The following IGSF11 variants were observed in gnomAD, a reference collection of about 807,000 sequenced individuals.
The protein encoded by IGSF11 is immunoglobulin superfamily member 11.
A neutral mutation model predicts 41.0 loss-of-function variants in IGSF11; 22 were observed. That is an observed-to-expected ratio of 0.54 (90% CI 0.38 to 0.77). The LOEUF is 0.77. Ranked by LOEUF, IGSF11 falls within the 30% of genes least tolerant of loss-of-function variation. The probability of loss-of-function intolerance (pLI) is 0.00; values close to 1 mark genes in which losing one functional copy is unlikely to be tolerated. For missense variants in IGSF11, 444 were observed against 530.8 expected (o/e 0.84, Z 1.61); for synonymous variants, 219 against 201.3 (o/e 1.09, Z -0.74).
chr3:118,936,683 G>C (rs967242881), intron 1 of IGSF11, among the ~76,000 whole-genome samples: 4 of 152,112 alleles, frequency 2.6e-5, no homozygotes, highest in African/African-American at 7.2e-5. Context: ...AGGATATAAA[G>C]TGCATGGTCA....
At chr3:119,017,146 A>G (rs1938795488) in intron 1 of IGSF11, among the ~76,000 whole-genome samples, 2 of 152,138 alleles carry the variant, frequency 1.3e-5, no homozygotes, top group South Asian at 4.1e-4. Context: ...AGAAAAAAGA[A>G]GAGTAAGCGA....
At chr3:119,143,200 T>C (rs569979944) in intron 1 of IGSF11, among the ~76,000 whole-genome samples, 1 of 152,290 alleles carries the variant, frequency 6.6e-6, no homozygotes, top group South Asian at 2.1e-4. Flanking sequence ...GCCAGCATTG[T>C]ATTTTTGGTT....
intron 1 of IGSF11, among the ~76,000 whole-genome samples, chr3:118,993,054 T>C (rs1576579174): frequency 6.6e-6 from 1 of 152,152 alleles, no homozygotes; most frequent in Non-Finnish European, 1.5e-5. Flanking sequence ...AGCAAGACCC[T>C]GTCTCTACAA....
At chr3:118,946,278 A>T (rs1004333223) in intron 1 of IGSF11, among the ~76,000 whole-genome samples, 4 of 84,458 alleles carry the variant, frequency 4.7e-5, no homozygotes, top group East Asian at 3.1e-4. Context: ...ATGTTTTTTT[A>T]AAAAAATCAC....
At chr3:119,061,687 A>T (rs760033260) in intron 1 of IGSF11, among the ~76,000 whole-genome samples, 4 of 152,152 alleles carry the variant, frequency 2.6e-5, no homozygotes, top group Admixed American at 2.6e-4. Flanking sequence ...TTCACTCAGG[A>T]TATACTTTCA....
At chr3:119,144,286 T>C (rs886781116) in intron 1 of IGSF11, among the ~76,000 whole-genome samples, 3 of 152,088 alleles carry the variant, frequency 2.0e-5, no homozygotes, top group Non-Finnish European at 4.4e-5. Context: ...AATATAGGAC[T>C]TGAACAACAC....
At position 118,975,363 on chromosome 3, in the gene IGSF11, T is replaced by TAAAAAAAAAA. The variant is rs376307753; in HGVS notation, c.53-45098_53-45089dup. Among the ~76,000 whole-genome samples the TAAAAAAAAAA allele has an allele frequency of 9.0e-4, 127 of 140,702 alleles. 1 individual carries two copies. Among genetic ancestry groups the TAAAAAAAAAA allele is most frequent in the African/African-American group, 3.2e-3 (122 of 37,916 alleles). The allele number at this position is 140,702 out of a possible 152,430, so 92.3% of individuals were successfully genotyped here. The stretch of plus-strand genomic sequence containing the variant: ...AATAAATTTGTAGCCCTGCTGGATT[T>TAAAAAAAAAA]AAAAAAAAAAAAAAAAGATGTGCTC... On this transcript the variant is annotated intron_variant, in intron 1 of 6. Coordinates refer to ENST00000393775, the MANE Select transcript of IGSF11 (RefSeq NM_001015887.3).
At chr3:119,110,750 A>C (rs1576812968) in intron 1 of IGSF11, among the ~76,000 whole-genome samples, 1 of 151,980 alleles carries the variant, frequency 6.6e-6, no homozygotes, top group South Asian at 2.1e-4. Flanking sequence ...TTCCATGTTT[A>C]GTGCTTCCTT....
upstream of IGSF11, among the ~76,000 whole-genome samples, chr3:119,107,813 C>T (rs1172992442): frequency 6.6e-6 from 1 of 151,194 alleles, no homozygotes; most frequent in African/African-American, 2.4e-5. Context: ...TATGGCTAGC[C>T]AGTTTTCCCA....
chr3:119,079,245 G>A (rs1406072088), intron 1 of IGSF11, among the ~76,000 whole-genome samples: 1 of 152,016 alleles, frequency 6.6e-6, no homozygotes, highest in Non-Finnish European at 1.5e-5. Context: ...TGTAATCCCA[G>A]CTACTTGGGA....
At chr3:119,101,801 G>C (rs560821092) in intron 1 of IGSF11, among the ~76,000 whole-genome samples, 1 of 151,996 alleles carries the variant, frequency 6.6e-6, no homozygotes, top group Non-Finnish European at 1.5e-5. Flanking sequence ...TTCACTGGAC[G>C]GTATCTATTG....
rs780702241 is a variant in IGSF11, at chr3:118,902,580, T to C, written c.1236A>G (p.Glu412=). 6.8e-6 allele frequency: 11 copies of C among 1,614,004 alleles called. No homozygotes were observed. In the Admixed American group the frequency reaches 1.8e-4, roughly 27 times the overall value. The change falls in exon 7 of 7, where the codon GAA becomes GAG. Residue 412 remains glutamate (E), a synonymous_variant. Coordinates refer to ENST00000393775, the MANE Select transcript of IGSF11 (RefSeq NM_001015887.3). ...CCATGACAGGTACTGCACCAATTCG[T>C]TCCAGTGTTGCGTGGCTGATGGTGT... is the stretch of plus-strand genomic sequence containing the variant. ...HSYTISHATL[E]RIGAVPVMVP...
At chr3:119,077,382 C>A (rs1299539358) in intron 1 of IGSF11, among the ~76,000 whole-genome samples, 1 of 151,960 alleles carries the variant, frequency 6.6e-6, no homozygotes, top group Non-Finnish European at 1.5e-5. Context: ...CAAACCTACA[C>A]GTTGTGCACA....
chr3:119,034,810 G>A lies in IGSF11; in HGVS notation c.-228C>T. The A allele has an allele frequency of 3.2e-6, 4 of 1,257,794 alleles. No homozygotes were observed. Among genetic ancestry groups the A allele is most frequent in the Non-Finnish European group, 4.0e-6 (4 of 1,000,912 alleles). 77.9% of individuals were successfully genotyped at this position (1,257,794 alleles called of 1,614,324 possible). A position where few individuals can be genotyped will look rare whatever the true frequency, so the allele number is the denominator to read the frequency against. ...TGAGCTGTGACCAGAGGCGTTCCGG[G>A]CTCGCCAGCCGTGCCACCCAGCCCT... On this transcript the variant is annotated 5_prime_UTR_variant, in exon 1 of 7. Coordinates refer to ENST00000393775, the MANE Select transcript of IGSF11 (RefSeq NM_001015887.3).
chr3:118,972,683 G>A (rs1342103879), intron 1 of IGSF11, among the ~76,000 whole-genome samples: 2 of 152,312 alleles, frequency 1.3e-5, no homozygotes, highest in East Asian at 3.9e-4. Flanking sequence ...TACTAAATTT[G>A]TAGAAGCTAT....
chr3:119,125,287 T>C (rs1013399758), intron 1 of IGSF11, among the ~76,000 whole-genome samples: 4 of 152,178 alleles, frequency 2.6e-5, no homozygotes, highest in Non-Finnish European at 5.9e-5. Flanking sequence ...TGCGCGTTCG[T>C]ATAAGAGACG....
intron 1 of IGSF11, among the ~76,000 whole-genome samples, chr3:119,110,446 G>C (rs2077130797): frequency 6.6e-6 from 1 of 152,138 alleles, no homozygotes; most frequent in Admixed American, 6.6e-5. Context: ...TTGCTTGGTA[G>C]ATCTTCCTCC....
intron 3 of IGSF11, among the ~76,000 whole-genome samples, chr3:118,928,112 C>A (rs944158522): frequency 6.6e-6 from 1 of 152,166 alleles, no homozygotes; most frequent in African/African-American, 2.4e-5. Context: ...CGGTGTTACA[C>A]AGATATGAAG....
chr3:118,944,875 G>A (rs746906880), intron 1 of IGSF11: 1 of 152,172 alleles, frequency 6.6e-6, no homozygotes, highest in Non-Finnish European at 1.5e-5. Context: ...AGGAAACTGA[G>A]ACCCAGAGAT....
Sources: gnomAD v4.1 joint callset for allele counts (sites outside exome capture counted in the v4.1 genomes callset) on GRCh38, gnomAD v4.1.1 for gene constraint, MANE v1.5 for transcripts, NCBI Gene and HGNC (gene_info 2026-07-23, HGNC 2026-07-21) for gene names.